The following GAN variants were observed in gnomAD, a reference collection of about 807,000 sequenced individuals.
The protein encoded by GAN is epididymis secretory sperm binding protein.
In GAN, 48 loss-of-function variants were observed where a neutral mutation model predicts 71.3. The observed-to-expected ratio is 0.67, with a 90% CI of 0.53 to 0.86. The LOEUF (loss-of-function observed/expected upper bound fraction) is 0.86. GAN is among the 40% of genes least tolerant of loss of function. The probability of loss-of-function intolerance (pLI) is 0.00; values close to 1 mark genes in which losing one functional copy is unlikely to be tolerated. For synonymous variants in GAN, 386 were observed against 276.8 expected (o/e 1.39, Z -3.92); for missense variants, 928 against 770.1 (o/e 1.21, Z -2.43).
chr16:81,345,778 T>C (rs531209117), intron 1 of GAN, among the ~76,000 whole-genome samples: 1 of 152,306 alleles, frequency 6.6e-6, no homozygotes, highest in Admixed American at 6.5e-5. Flanking sequence ...TGTAACCTTT[T>C]CCCTGATAGC....
chr16:81,339,683 C>T (rs536508881), intron 1 of GAN, among the ~76,000 whole-genome samples: 2 of 152,150 alleles, frequency 1.3e-5, no homozygotes. Context: ...TAACAGGAAT[C>T]TATTTTTACC....
intron 9 of GAN, among the ~76,000 whole-genome samples, chr16:81,375,515 C>G (rs1904277418): frequency 2.0e-5 from 3 of 151,816 alleles, no homozygotes; most frequent in African/African-American, 7.3e-5. Context: ...TTTGTAAAGA[C>G]AAGGTTTCGC....
At chr16:81,360,656 T>C (rs536869054) in intron 5 of GAN, among the ~76,000 whole-genome samples, 16 of 152,294 alleles carry the variant, frequency 1.1e-4, no homozygotes, top group Non-Finnish European at 2.1e-4. Context: ...AATCCTCTCT[T>C]ATTTCTATAG....
chr16:81,377,729 G>C lies in GAN; in HGVS notation c.*133G>C. ...TATGGTAACTCTTTGGTGGTTTTATGATGCTTACAAACTTGAGCTTTAGCT... is the reference window on the plus strand; with the variant it reads ...TATGGTAACTCTTTGGTGGTTTTATCATGCTTACAAACTTGAGCTTTAGCT... On this transcript the variant is annotated 3_prime_UTR_variant, in exon 11 of 11. Transcript: ENST00000648994. The C allele has an allele frequency of 1.2e-6, 1 of 857,482 alleles. No individual in the cohort carries two copies. Among genetic ancestry groups the C allele is most frequent in the Admixed American group, 1.9e-5 (1 of 53,646 alleles). The allele number at this position is 857,482 out of a possible 1,614,324, so 53.1% of individuals were successfully genotyped here.
At chr16:81,376,465 ATGTGTGTGTG>A (rs56782049) in intron 9 of GAN, among the ~76,000 whole-genome samples, 171 of 127,158 alleles carry the variant, frequency 1.3e-3, no homozygotes, top group African/African-American at 2.6e-3. Flanking sequence ...ATACATACAT[ATGTGTGTGTG>A]TGTGTGTGTG....
chr16:81,375,084 A>G (rs995569546), intron 9 of GAN, among the ~76,000 whole-genome samples: 5 of 152,220 alleles, frequency 3.3e-5, no homozygotes, highest in Non-Finnish European at 5.9e-5. Context: ...AGAAACTGTG[A>G]CTGTAAAAGA....
At chr16:81,332,982 G>A (rs1460076026) in intron 1 of GAN, among the ~76,000 whole-genome samples, 1 of 152,138 alleles carries the variant, frequency 6.6e-6, no homozygotes, top group Non-Finnish European at 1.5e-5. Context: ...GCTCATGCCT[G>A]TAATCCCAGC....
chr16:81,370,367 A>G (rs1911001167), intron 9 of GAN, among the ~76,000 whole-genome samples: 1 of 152,268 alleles, frequency 6.6e-6, no homozygotes. Context: ...GGTCCAGTCA[A>G]GTGGCAAAAA....
intron 9 of GAN, among the ~76,000 whole-genome samples, chr16:81,374,579 G>A (rs979900912): frequency 2.6e-5 from 4 of 152,106 alleles, no homozygotes; most frequent in African/African-American, 9.7e-5. Flanking sequence ...TGGATTCATG[G>A]ATATTTATTT....
chr16:81,374,924 G>C (rs1488514938), intron 9 of GAN, among the ~76,000 whole-genome samples: 1 of 152,208 alleles, frequency 6.6e-6, no homozygotes, highest in Non-Finnish European at 1.5e-5. Flanking sequence ...CTGTATGGAA[G>C]AAAGTGAACT....
At chr16:81,376,306 A>T (rs756146953) in intron 9 of GAN, among the ~76,000 whole-genome samples, 1 of 152,134 alleles carries the variant, frequency 6.6e-6, no homozygotes, top group Non-Finnish European at 1.5e-5. Context: ...CAAAAACTGG[A>T]ACGTCAACAG....
intron 5 of GAN, among the ~76,000 whole-genome samples, chr16:81,358,799 C>T (rs1035642751): frequency 6.6e-6 from 1 of 152,174 alleles, no homozygotes; most frequent in Admixed American, 6.5e-5. Flanking sequence ...ATTGCCTTTG[C>T]TGGCTGCCTG....
In GAN at chr16:81,381,190, G is replaced by A. The variant is rs772767625; in HGVS notation, c.*3594G>A. The A allele has an allele frequency of 1.3e-5, 2 of 152,152 alleles. No individual in the cohort carries two copies. The highest frequency in any genetic ancestry group is 2.9e-5 in the Non-Finnish European group (2 of 68,020). 9.4% of individuals were successfully genotyped at this position (152,152 alleles called of 1,614,324 possible). A position where few individuals can be genotyped will look rare whatever the true frequency, so the allele number is the denominator to read the frequency against. On this transcript the variant is annotated 3_prime_UTR_variant, in exon 11 of 11. Coordinates refer to ENST00000648994, the MANE Select transcript of GAN (RefSeq NM_022041.4). ...CATGGGTAGTTAAGTTTCATTTCTA[G>A]AGAAATGTCTTAGCTGCTGTGGTCC...
At chr16:81,354,900 A>G (rs1000272014) in intron 3 of GAN, 145 bp downstream of exon 3, 3 of 629,270 alleles carry the variant, frequency 4.8e-6, no homozygotes, top group Non-Finnish European at 8.4e-6. Context: ...CCCCTATATC[A>G]TGAAAGCAGT....
intron 1 of GAN, among the ~76,000 whole-genome samples, chr16:81,349,746 A>T (rs573094067): frequency 5.5e-4 from 84 of 152,344 alleles, no homozygotes; most frequent in African/African-American, 1.9e-3. Context: ...TAGAAGTCTG[A>T]ATGCAAATAA....
chr16:81,387,907 C>T lies in GAN; in HGVS notation c.*10311C>T, dbSNP rs542125025. On this transcript the variant is annotated 3_prime_UTR_variant, in exon 11 of 11. Coordinates refer to ENST00000648994, the MANE Select transcript of GAN (RefSeq NM_022041.4). The stretch of plus-strand genomic sequence containing the variant: ...TTAGAGATTTATAGGCTGGGATGCA[C>T]ACCATGTCTTCAGAGCTAGCCGGCT... 1.3e-5 allele frequency: 2 copies of T among 152,302 alleles called. No homozygotes were observed. Among genetic ancestry groups the T allele is most frequent in the South Asian group, 2.1e-4 (1 of 4,822 alleles). The allele number at this position is 152,302 out of a possible 1,614,324, so 9.4% of individuals were successfully genotyped here.
intron 9 of GAN, among the ~76,000 whole-genome samples, chr16:81,369,795 C>T (rs1910978488): frequency 6.6e-6 from 1 of 151,870 alleles, no homozygotes; most frequent in South Asian, 2.1e-4. Context: ...TGGTCTCGAT[C>T]TCCTGACCTC....
Position 81,365,033 on chromosome 16 carries a change from A to G in GAN, c.1296A>G (p.Gly432=), listed in dbSNP as rs768389459. ...KIYAMGGGSY[G]KLFESVECYD... Reference sequence around the variant, plus strand: ...ACGCCATGGGTGGAGGCTCCTACGGAAAGCTTTTTGAGTCTGTAGAGTGTT... The same window carrying G: ...ACGCCATGGGTGGAGGCTCCTACGGGAAGCTTTTTGAGTCTGTAGAGTGTT... The change falls in exon 8 of 11, where the codon GGA becomes GGG. Residue 432 remains glycine (G), a synonymous_variant. Coordinates refer to ENST00000648994, the MANE Select transcript of GAN (RefSeq NM_022041.4). 3 of 1,613,620 alleles carry G rather than the reference A, an allele frequency of 1.9e-6. No homozygotes were observed. The highest frequency in any genetic ancestry group is 2.5e-6 in the Non-Finnish European group (3 of 1,179,532).
chr16:81,341,206 T>G (rs962136250), intron 1 of GAN, among the ~76,000 whole-genome samples: 1 of 152,128 alleles, frequency 6.6e-6, no homozygotes, highest in Non-Finnish European at 1.5e-5. Flanking sequence ...TGGAACCAAG[T>G]TGGAAAACAC....
Sources: gnomAD v4.1 joint callset for allele counts (sites outside exome capture counted in the v4.1 genomes callset) on GRCh38, gnomAD v4.1.1 for gene constraint, MANE v1.5 for transcripts, NCBI Gene and HGNC (gene_info 2026-07-23, HGNC 2026-07-21) for gene names.